AGBL4: variants seen among roughly 807,000 people sequenced by gnomAD.
AGBL4 encodes the protein AGBL carboxypeptidase 4.
A neutral mutation model predicts 66.4 loss-of-function variants in AGBL4; 58 were observed. That is an observed-to-expected ratio of 0.87 (90% confidence interval 0.71 to 1.09). AGBL4 has a LOEUF of 1.09. Among genes scored for constraint, AGBL4 ranks in the 50% least tolerant of loss-of-function variants. The pLI, the probability that AGBL4 is intolerant of heterozygous loss-of-function variation, is 0.00. For synonymous variants in AGBL4, 234 were observed against 222.9 expected (o/e 1.05, Z -0.44); for missense variants, 579 against 631.0 (o/e 0.92, Z 0.88).
chr1:48,878,048 A>G (rs1649393864), intron 5 of AGBL4, among the ~76,000 whole-genome samples: 1 of 152,196 alleles, frequency 6.6e-6, no homozygotes, highest in African/African-American at 2.4e-5. Context: ...TACTATAGTA[A>G]TAGGATACAA....
intron 2 of AGBL4, among the ~76,000 whole-genome samples, chr1:49,792,142 G>A (rs1644617035): frequency 6.6e-6 from 1 of 151,566 alleles, no homozygotes; most frequent in South Asian, 2.1e-4. Context: ...ATAATATGGT[G>A]GTATTACATC....
intron 3 of AGBL4, among the ~76,000 whole-genome samples, chr1:49,411,600 C>A (rs1226654899): frequency 6.6e-6 from 1 of 152,150 alleles, no homozygotes; most frequent in Non-Finnish European, 1.5e-5. Flanking sequence ...GCAAGGCTCT[C>A]AAGTAGTTGA....
chr1:48,877,338 C>T (rs1285206772), intron 5 of AGBL4, among the ~76,000 whole-genome samples: 1 of 151,992 alleles, frequency 6.6e-6, no homozygotes, highest in African/African-American at 2.4e-5. Context: ...CCAAGAGGGC[C>T]TCGTTTTAGA....
At chr1:48,945,951 C>T (rs541490529) in intron 5 of AGBL4, among the ~76,000 whole-genome samples, 1 of 152,156 alleles carries the variant, frequency 6.6e-6, no homozygotes, top group South Asian at 2.1e-4. Context: ...TAGTACCTGG[C>T]ACACAGTAAG....
At chr1:48,545,300 G>C (rs754753864) in intron 11 of AGBL4, among the ~76,000 whole-genome samples, 1 of 151,964 alleles carries the variant, frequency 6.6e-6, no homozygotes, top group Non-Finnish European at 1.5e-5. Flanking sequence ...TTAAAAATGG[G>C]CATTTTCTGG....
chr1:48,770,947 C>G (rs1644793819), intron 6 of AGBL4, among the ~76,000 whole-genome samples: 1 of 152,226 alleles, frequency 6.6e-6, no homozygotes, highest in South Asian at 2.1e-4. Flanking sequence ...ACTTAGCCCA[C>G]TGCCTGGCAC....
intron 11 of AGBL4, among the ~76,000 whole-genome samples, chr1:48,557,340 A>G (rs1644335791): frequency 1.3e-5 from 2 of 152,088 alleles, no homozygotes; most frequent in African/African-American, 4.8e-5. Context: ...TTTCCTAGAG[A>G]TTAATGGATA....
chr1:48,892,965 T>TA (rs1193607840), intron 5 of AGBL4, among the ~76,000 whole-genome samples: 1 of 152,136 alleles, frequency 6.6e-6, no homozygotes, highest in Admixed American at 6.5e-5. Flanking sequence ...GGAATACAGT[T>TA]AGACTCAGAA....
At chr1:48,730,736 T>A (rs1647987116) in intron 6 of AGBL4, among the ~76,000 whole-genome samples, 1 of 152,138 alleles carries the variant, frequency 6.6e-6, no homozygotes, top group South Asian at 2.1e-4. Context: ...GCCGGGAATG[T>A]CTCCCTCTGC....
intron 6 of AGBL4, among the ~76,000 whole-genome samples, chr1:48,669,972 C>T (rs1438234669): frequency 6.6e-6 from 1 of 152,168 alleles, no homozygotes; most frequent in East Asian, 1.9e-4. Flanking sequence ...GTAGTAGACT[C>T]ATTATGCTTC....
chr1:49,602,600 C>T (rs566856792), intron 3 of AGBL4, among the ~76,000 whole-genome samples: 2 of 152,012 alleles, frequency 1.3e-5, no homozygotes, highest in East Asian at 1.9e-4. Context: ...GAACAGAAAA[C>T]CAAACACCAC....
chr1:49,610,993 G>A (rs1347580222), intron 3 of AGBL4, among the ~76,000 whole-genome samples: 1 of 152,214 alleles, frequency 6.6e-6, no homozygotes, highest in Non-Finnish European at 1.5e-5. Flanking sequence ...GGATAAGGAA[G>A]TACTGTAGCT....
chr1:49,864,344 T>C (rs1571741981), intron 1 of AGBL4, among the ~76,000 whole-genome samples: 1 of 152,176 alleles, frequency 6.6e-6, no homozygotes, highest in East Asian at 1.9e-4. Flanking sequence ...TATGACCTAC[T>C]ATTTGATAGC....
intron 3 of AGBL4, among the ~76,000 whole-genome samples, chr1:49,633,059 C>T (rs1645602097): frequency 6.6e-6 from 1 of 151,502 alleles, no homozygotes. Context: ...GGTGACAGAG[C>T]AAGACTCCAT....
intron 4 of AGBL4, among the ~76,000 whole-genome samples, chr1:49,125,735 A>G (rs1052058498): frequency 3.9e-5 from 6 of 152,154 alleles, no homozygotes; most frequent in Non-Finnish European, 8.8e-5. Context: ...CCATTCTCAA[A>G]TGAGAAAAAA....
At chr1:48,796,999 C>T (rs1397709681) in intron 6 of AGBL4, among the ~76,000 whole-genome samples, 1 of 152,126 alleles carries the variant, frequency 6.6e-6, no homozygotes, top group Non-Finnish European at 1.5e-5. Flanking sequence ...ATGATATGCA[C>T]ACCCTAAGAA....
chr1:49,976,394 A>G (rs1032901041), intron 1 of AGBL4, among the ~76,000 whole-genome samples: 2 of 152,176 alleles, frequency 1.3e-5, no homozygotes, highest in Admixed American at 6.5e-5. Context: ...TGATATAAAT[A>G]ACTGCACTAG....
chr1:49,864,327 G>A (rs1646649007), intron 1 of AGBL4, among the ~76,000 whole-genome samples: 1 of 152,088 alleles, frequency 6.6e-6, no homozygotes, highest in Non-Finnish European at 1.5e-5. Flanking sequence ...ACAACAGAAA[G>A]AATGAATATG....
chr1:48,588,365 C>T (rs777377942), intron 10 of AGBL4, among the ~76,000 whole-genome samples: 4 of 152,316 alleles, frequency 2.6e-5, no homozygotes, highest in East Asian at 3.9e-4. Flanking sequence ...TGCTCTACTA[C>T]CCACTGAGTA....
Sources: allele counts gnomAD v4.1 joint callset (sites outside exome capture counted in the v4.1 genomes callset), GRCh38; gene constraint gnomAD v4.1.1; transcripts MANE v1.5; gene names NCBI Gene and HGNC (gene_info 2026-07-23, HGNC 2026-07-21).